Variants in FCAR observed in about 807,000 individuals in gnomAD.
FCAR encodes Fc alpha receptor.
Under a neutral mutation model 27.1 loss-of-function variants are expected in FCAR, and 21 were observed. That is an observed-to-expected ratio of 0.77 (90% CI 0.55 to 1.11). The LOEUF (loss-of-function observed/expected upper bound fraction) is 1.11, where lower values mean the gene tolerates loss of function less well. Among genes scored for constraint, FCAR ranks in the 50% most tolerant of loss-of-function variants. FCAR has a pLI of 0.00. For synonymous variants in FCAR, 134 were observed against 135.8 expected (o/e 0.99, Z 0.09); for missense variants, 404 against 358.4 (o/e 1.13, Z -1.03).
Position 54,890,660 on chromosome 19 carries a change from C to T in FCAR, c.*797C>T, listed in dbSNP as rs935734783. 2.6e-5 allele frequency: 4 copies of T among 151,814 alleles called. No individual in the cohort carries two copies. The highest frequency in any genetic ancestry group is 1.3e-4 in the Admixed American group (2 of 15,234). The allele number at this position is 151,814 out of a possible 1,614,324, so 9.4% of individuals were successfully genotyped here. ...GGCCAAGCTGGTCTCAAACTTCTGA[C>T]CTCGTGATCTGCCCGCCTCGGCCTC... On this transcript the variant is annotated 3_prime_UTR_variant, in exon 5 of 5. Coordinates refer to ENST00000355524, the MANE Select transcript of FCAR (RefSeq NM_002000.4).
intron 2 of FCAR, among the ~76,000 whole-genome samples, chr19:54,877,690 GTTAATTTGAACTTTTTCTAGCTTT>G (rs2066172040): frequency 6.6e-6 from 1 of 152,016 alleles, no homozygotes; most frequent in Non-Finnish European, 1.5e-5. Flanking sequence ...ATGTTAGGTT[GTTAATTTGAACTTTTTCTAGCTTT>G]TTGAAGTGGG....
chr19:54,879,523 G>A (rs1351374767), intron 2 of FCAR, among the ~76,000 whole-genome samples: 1 of 152,140 alleles, frequency 6.6e-6, no homozygotes, highest in Non-Finnish European at 1.5e-5. Context: ...GGCTGGGAAT[G>A]AGATTCTTGG....
rs1192655305 is a variant in FCAR at position 54,889,070 on chromosome 19, GA to G, written c.650-565del. 272 of 118,402 alleles carry G rather than the reference GA, an allele frequency of 2.3e-3. 3 individuals are homozygous for G. Among genetic ancestry groups the G allele is most frequent in the Non-Finnish European group, 3.7e-3 (212 of 57,408 alleles). 7.3% of individuals were successfully genotyped at this position (118,402 alleles called of 1,614,324 possible). ...GTGACAGAACGAGACTCCACCTCAA[GA>G]AAAAAAAAAAAAACATGGTTGGGCA... is the stretch of plus-strand genomic sequence containing the variant. On this transcript the variant is annotated intron_variant, in intron 4 of 4. Transcript: ENST00000355524.
intron 1 of FCAR, 25 bp downstream of exon 1, chr19:54,874,348 T>G (rs764476458): frequency 5.0e-6 from 8 of 1,612,884 alleles, no homozygotes; most frequent in Non-Finnish European, 6.8e-6. Context: ...AAAAGTGGGT[T>G]AGAGGGGAAG....
At chr19:54,878,369 A>AAT (rs941175848) in intron 2 of FCAR, among the ~76,000 whole-genome samples, 1 of 152,156 alleles carries the variant, frequency 6.6e-6, no homozygotes, top group African/African-American at 2.4e-5. Flanking sequence ...TCAGGTCCTG[A>AAT]ATATCTCTGT....
Position 54,888,024 on chromosome 19 carries a change from T to G in FCAR, c.379T>G (p.Phe127Val). Reference protein sequence around the residue: ...LVVTGLYGKPFLSADRGLVLM... With the variant: ...LVVTGLYGKPVLSADRGLVLM... ...TCTCTTAGGCTTGTATGGCAAACCC[T>G]TCCTCTCTGCAGATCGGGGTCTGGT... The change falls in exon 4 of 5, where the codon TTC (phenylalanine) becomes GTC (valine). Residue 127 changes from phenylalanine to valine, a missense_variant. By Grantham distance (50) the Phe-to-Val change is conservative. Coordinates refer to ENST00000355524, the MANE Select transcript of FCAR (RefSeq NM_002000.4). The G allele has an allele frequency of 1.9e-6, 3 of 1,613,312 alleles. No homozygotes were observed. Among genetic ancestry groups the G allele is most frequent in the Non-Finnish European group, 2.5e-6 (3 of 1,179,364 alleles).
intron 1 of FCAR, 94 bp downstream of exon 1, chr19:54,874,417 T>G (rs2065979749): frequency 1.6e-5 from 20 of 1,269,178 alleles, no homozygotes; most frequent in Non-Finnish European, 2.2e-5. Context: ...GAGATTTTAG[T>G]GGCTGCCAAG....
intron 2 of FCAR, among the ~76,000 whole-genome samples, chr19:54,878,489 G>A (rs1276814283): frequency 6.6e-6 from 1 of 152,004 alleles, no homozygotes; most frequent in Admixed American, 6.6e-5. Context: ...ATGAATCCGG[G>A]TGCTTCCATG....
chr19:54,885,809 C>T (rs2066686899), intron 3 of FCAR, among the ~76,000 whole-genome samples: 1 of 152,188 alleles, frequency 6.6e-6, no homozygotes, highest in African/African-American at 2.4e-5. Flanking sequence ...TTCCAGGATC[C>T]CATTCAAGAT....
At chr19:54,883,341 G>T (rs1033907148) in intron 2 of FCAR, among the ~76,000 whole-genome samples, 2 of 152,006 alleles carry the variant, frequency 1.3e-5, no homozygotes, top group Non-Finnish European at 2.9e-5. Flanking sequence ...TGACTCCCTC[G>T]CCTGGTCCAT....
In FCAR at chr19:54,874,328, G is replaced by T; in HGVS notation, c.34+5G>T. 1 of 1,614,176 alleles carries T rather than the reference G, an allele frequency of 6.2e-7. No individual in the cohort carries two copies. The highest frequency in any genetic ancestry group is 8.5e-7 in the Non-Finnish European group (1 of 1,179,986). ...AGACCACCCTCCTGTGTCTTGGTGA[G>T]TTTCAGAGTAAAAGTGGGTTAGAGG... On this transcript the variant is annotated splice_donor_5th_base_variant and intron_variant, in intron 1 of 4. Coordinates refer to ENST00000355524, the MANE Select transcript of FCAR (RefSeq NM_002000.4).
intron 2 of FCAR, among the ~76,000 whole-genome samples, chr19:54,879,486 T>C (rs1247831206): frequency 6.6e-6 from 1 of 152,186 alleles, no homozygotes; most frequent in Non-Finnish European, 1.5e-5. Flanking sequence ...AGGATCTTAT[T>C]TCTCCTTCAC....
intron 1 of FCAR, among the ~76,000 whole-genome samples, chr19:54,874,996 C>G (rs2066009553): frequency 6.6e-6 from 1 of 152,088 alleles, no homozygotes; most frequent in South Asian, 2.1e-4. Flanking sequence ...TGGTGAAACC[C>G]TGTCTCTACT....
intron 1 of FCAR, 47 bp downstream of exon 1, chr19:54,874,370 C>A (rs754572062): frequency 9.5e-6 from 15 of 1,577,942 alleles, no homozygotes; most frequent in African/African-American, 1.3e-5. Context: ...TAGAGAAATC[C>A]CAAAATAATC....
intron 2 of FCAR, among the ~76,000 whole-genome samples, chr19:54,878,322 T>C (rs1220184622): frequency 1.3e-5 from 2 of 152,208 alleles, no homozygotes; most frequent in African/African-American, 4.8e-5. Context: ...GAGAGTTCTG[T>C]AGATGTCTGT....
At chr19:54,875,843 C>T (rs1569530221) in intron 2 of FCAR, among the ~76,000 whole-genome samples, 1 of 152,254 alleles carries the variant, frequency 6.6e-6, no homozygotes, top group Non-Finnish European at 1.5e-5. Context: ...ACCCCAACTA[C>T]TACTGCCTTA....
intron 2 of FCAR, among the ~76,000 whole-genome samples, chr19:54,878,517 T>G (rs1316593957): frequency 6.6e-6 from 1 of 152,170 alleles, no homozygotes; most frequent in Admixed American, 6.5e-5. Context: ...CATATATATT[T>G]AGGATAGTTA....
chr19:54,889,297 G>C (rs908372689), intron 4 of FCAR, among the ~76,000 whole-genome samples: 1 of 146,694 alleles, frequency 6.8e-6, no homozygotes, highest in Admixed American at 6.9e-5. Flanking sequence ...CACTTGACCA[G>C]GGAGGCGGAG....
intron 2 of FCAR, among the ~76,000 whole-genome samples, chr19:54,878,208 T>C (rs4806605): frequency 0.7 from 107,023 of 152,110 alleles, 38,013 homozygotes; most frequent in East Asian, 0.99. Flanking sequence ...TGAGCCACCG[T>C]GCCCAGCCTG....
Sources: gnomAD v4.1 joint callset for allele counts (sites outside exome capture counted in the v4.1 genomes callset) on GRCh38, gnomAD v4.1.1 for gene constraint, MANE v1.5 for transcripts, NCBI Gene and HGNC (gene_info 2026-07-23, HGNC 2026-07-21) for gene names.